Variants in RBFOX1 observed in about 807,000 individuals in gnomAD.
The protein encoded by RBFOX1 is RNA binding protein fox-1 homolog 1.
A neutral mutation model predicts 57.7 loss-of-function variants in RBFOX1; 8 were observed. The observed-to-expected ratio is 0.14, with a 90% CI of 0.08 to 0.25. RBFOX1 has a LOEUF of 0.25. RBFOX1 is among the 10% of genes least tolerant of loss of function. RBFOX1 has a pLI of 1.00. For synonymous variants in RBFOX1, 326 were observed against 222.4 expected (o/e 1.47, Z -4.15); for missense variants, 611 against 548.5 (o/e 1.11, Z -1.14).
intron 4 of RBFOX1, among the ~76,000 whole-genome samples, chr16:7,224,252 T>C (rs1322988426): frequency 6.6e-6 from 1 of 152,044 alleles, no homozygotes; most frequent in East Asian, 1.9e-4. Context: ...TGGCTTCTTT[T>C]AGTCATCGTA....
intron 1 of RBFOX1, among the ~76,000 whole-genome samples, chr16:6,062,734 G>A (rs2095705373): frequency 6.6e-6 from 1 of 151,278 alleles, no homozygotes; most frequent in Admixed American, 6.6e-5. Context: ...ACTATCTCAA[G>A]ACATGTATCT....
intron 2 of RBFOX1, among the ~76,000 whole-genome samples, chr16:6,476,990 C>T (rs917844460): frequency 6.6e-6 from 1 of 152,166 alleles, no homozygotes; most frequent in Non-Finnish European, 1.5e-5. Flanking sequence ...AGAAACTCCT[C>T]ATCTGTTAAA....
intron 2 of RBFOX1, among the ~76,000 whole-genome samples, chr16:5,580,412 T>C (rs1249707961): frequency 6.6e-6 from 1 of 152,216 alleles, no homozygotes; most frequent in Non-Finnish European, 1.5e-5. Flanking sequence ...CCCACTGAGC[T>C]TGCAGAGCAT....
At chr16:7,140,132 C>T (rs1016217408) in intron 4 of RBFOX1, among the ~76,000 whole-genome samples, 1 of 147,790 alleles carries the variant, frequency 6.8e-6, no homozygotes, top group African/African-American at 2.5e-5. Context: ...AATTCATTCT[C>T]ATTCTCTTAT....
intron 4 of RBFOX1, among the ~76,000 whole-genome samples, chr16:5,981,049 C>T (rs541173596): frequency 3.9e-5 from 6 of 152,330 alleles, no homozygotes; most frequent in East Asian, 1.9e-4. Context: ...CCCCAGGCTA[C>T]GTTCCTCTTG....
At chr16:6,647,966 C>A (rs1205585430) in intron 2 of RBFOX1, among the ~76,000 whole-genome samples, 5 of 152,112 alleles carry the variant, frequency 3.3e-5, no homozygotes, top group African/African-American at 1.2e-4. Context: ...GTCAGCCTCT[C>A]TAGTAGCTGG....
intron 1 of RBFOX1, among the ~76,000 whole-genome samples, chr16:6,144,020 A>T (rs891489858): frequency 1.3e-5 from 2 of 150,094 alleles, no homozygotes; most frequent in Non-Finnish European, 2.9e-5. Context: ...GCTGGTTTCG[A>T]ACTCCTGGCC....
chr16:6,045,145 C>T (rs1168802715), intron 1 of RBFOX1, among the ~76,000 whole-genome samples: 3 of 152,182 alleles, frequency 2.0e-5, no homozygotes, highest in African/African-American at 7.2e-5. Flanking sequence ...TCACCCAAGA[C>T]TCTTGTTAAA....
At chr16:6,492,555 T>C (rs1202512049) in intron 2 of RBFOX1, among the ~76,000 whole-genome samples, 1 of 151,962 alleles carries the variant, frequency 6.6e-6, no homozygotes, top group African/African-American at 2.4e-5. Flanking sequence ...GGTGACAGAG[T>C]GAGACTCCAT....
chr16:7,233,488 G>A (rs150046299), intron 4 of RBFOX1, among the ~76,000 whole-genome samples: 203 of 152,258 alleles, frequency 1.3e-3, no homozygotes, highest in African/African-American at 4.6e-3. Flanking sequence ...ACAGCAGGCC[G>A]TCGATCAGCA....
chr16:7,350,785 T>G (rs1356817412), intron 4 of RBFOX1, among the ~76,000 whole-genome samples: 1 of 152,122 alleles, frequency 6.6e-6, no homozygotes, highest in African/African-American at 2.4e-5. Flanking sequence ...AATCACAGTG[T>G]TAATGGAATG....
intron 15 of RBFOX1, chr16:7,709,586 C>T: frequency 6.5e-7 from 1 of 1,530,364 alleles, no homozygotes; most frequent in South Asian, 1.2e-5. Context: ...CTGACTGCCT[C>T]TCCTCCCCTA....
chr16:6,163,056 G>A (rs1413796450), intron 1 of RBFOX1, among the ~76,000 whole-genome samples: 1 of 152,136 alleles, frequency 6.6e-6, no homozygotes, highest in Non-Finnish European at 1.5e-5. Context: ...TTGAGCAACA[G>A]CAATAACTCC....
intron 2 of RBFOX1, among the ~76,000 whole-genome samples, chr16:6,432,289 C>T (rs1223721186): frequency 6.6e-6 from 1 of 152,030 alleles, no homozygotes; most frequent in Admixed American, 6.6e-5. Flanking sequence ...CAGAAACATG[C>T]TTCAGGCATA....
chr16:6,020,932 C>T (rs534461568), intron 1 of RBFOX1, among the ~76,000 whole-genome samples: 2 of 152,216 alleles, frequency 1.3e-5, no homozygotes, highest in South Asian at 2.1e-4. Flanking sequence ...CCCCCAGCTC[C>T]ATTCCTTGCT....
intron 4 of RBFOX1, among the ~76,000 whole-genome samples, chr16:7,373,346 C>G (rs924866019): frequency 6.6e-6 from 1 of 152,160 alleles, no homozygotes. Flanking sequence ...ATAGTAAAGA[C>G]AGTCTTTTGA....
At chr16:7,647,951 T>A (rs970490894) in intron 11 of RBFOX1, among the ~76,000 whole-genome samples, 2 of 152,198 alleles carry the variant, frequency 1.3e-5, no homozygotes, top group African/African-American at 4.8e-5. Flanking sequence ...ACAGTTTTAG[T>A]CTTGTTTAAT....
At chr16:7,150,290 C>G (rs2075860902) in intron 4 of RBFOX1, among the ~76,000 whole-genome samples, 1 of 152,220 alleles carries the variant, frequency 6.6e-6, no homozygotes, top group African/African-American at 2.4e-5. Flanking sequence ...GGCTGTGTCT[C>G]TTAATTCTTT....
At chr16:5,707,319 C>T (rs1234531675) in intron 3 of RBFOX1, among the ~76,000 whole-genome samples, 2 of 152,196 alleles carry the variant, frequency 1.3e-5, no homozygotes, top group Non-Finnish European at 2.9e-5. Flanking sequence ...GTAATTTCTG[C>T]TTCTGCTGTG....
Sources: gnomAD v4.1 joint callset for allele counts (sites outside exome capture counted in the v4.1 genomes callset) on GRCh38, gnomAD v4.1.1 for gene constraint, MANE v1.5 for transcripts, NCBI Gene and HGNC (gene_info 2026-07-23, HGNC 2026-07-21) for gene names.